Variants in ZNF813 observed in about 807,000 individuals in gnomAD.
The protein encoded by ZNF813 is zinc finger protein 813.
A neutral mutation model predicts 7.2 loss-of-function variants in ZNF813; 3 were observed. That is an observed-to-expected ratio of 0.42 (90% CI 0.19 to 1.08). The LOEUF is 1.08. Among genes scored for constraint, ZNF813 ranks in the 50% least tolerant of loss-of-function variants. The probability of loss-of-function intolerance (pLI) is 0.30; values close to 1 mark genes in which losing one functional copy is unlikely to be tolerated. For synonymous variants in ZNF813, 227 were observed against 256.3 expected (o/e 0.89, Z 1.09); for missense variants, 714 against 753.3 (o/e 0.95, Z 0.61).
At chr19:53,468,233 A>G (rs58474215) in intron 1 of ZNF813, among the ~76,000 whole-genome samples, 2 of 35,136 alleles carry the variant, frequency 5.7e-5, no homozygotes, top group African/African-American at 2.0e-4. Flanking sequence ...CCCCCCCCCC[A>G]CCTCCCTCCT....
chr19:53,489,946 A>G (rs763231530), intron 3 of ZNF813, among the ~76,000 whole-genome samples: 3 of 152,184 alleles, frequency 2.0e-5, no homozygotes, highest in African/African-American at 4.8e-5. Flanking sequence ...TTATCCTTAC[A>G]TGAGCTTGTT....
At chr19:53,490,061 C>T (rs1007599882) in intron 3 of ZNF813, among the ~76,000 whole-genome samples, 6 of 152,110 alleles carry the variant, frequency 3.9e-5, no homozygotes, top group African/African-American at 1.2e-4. Context: ...ATTGGTGTGA[C>T]GGTGATATGT....
chr19:53,469,665 A>G (rs1381825265), intron 1 of ZNF813, among the ~76,000 whole-genome samples: 1 of 151,748 alleles, frequency 6.6e-6, no homozygotes, highest in Non-Finnish European at 1.5e-5. Flanking sequence ...GCAAAGAGGG[A>G]GGCTCATCAG....
intron 3 of ZNF813, among the ~76,000 whole-genome samples, chr19:53,489,412 G>C (rs903233187): frequency 2.6e-5 from 4 of 151,878 alleles, no homozygotes; most frequent in Non-Finnish European, 5.9e-5. Context: ...CCACAGCCTG[G>C]CCAACATGGT....
At chr19:53,484,841 C>T (rs1268478513) in intron 2 of ZNF813, among the ~76,000 whole-genome samples, 1 of 152,256 alleles carries the variant, frequency 6.6e-6, no homozygotes, top group Non-Finnish European at 1.5e-5. Flanking sequence ...GCTGGGATTA[C>T]AGGTGCGAGG....
intron 1 of ZNF813, among the ~76,000 whole-genome samples, chr19:53,482,277 A>T (rs1441924236): frequency 2.0e-5 from 3 of 152,184 alleles, no homozygotes; most frequent in Non-Finnish European, 4.4e-5. Context: ...CTTTCTCTGT[A>T]TGAGGACATC....
chr19:53,471,028 G>A lies in ZNF813; in HGVS notation c.-74+3239G>A, dbSNP rs75588800. 8.3e-3 allele frequency among the ~76,000 whole-genome samples: 1,266 copies of A among 152,272 alleles called. 16 individuals carry two copies. The highest frequency in any genetic ancestry group is 0.029 in the African/African-American group (1,202 of 41,558). On this transcript the variant is annotated intron_variant, in intron 1 of 3. Transcript: ENST00000396403. ...ATTTTGTGCCCAGGTAGCTGGCCTA[G>A]AGTACTGAATTAGTCTTTCAGGGGG...
chr19:53,478,438 C>T (rs1274456987), intron 1 of ZNF813, among the ~76,000 whole-genome samples: 5 of 152,192 alleles, frequency 3.3e-5, no homozygotes, highest in Non-Finnish European at 7.4e-5. Context: ...TTCCGAAATA[C>T]TGGGATTACA....
intron 1 of ZNF813, among the ~76,000 whole-genome samples, chr19:53,471,883 A>G (rs1162322342): frequency 6.6e-6 from 1 of 151,510 alleles, no homozygotes; most frequent in Non-Finnish European, 1.5e-5. Context: ...ATCTTGTGAC[A>G]TTAACTCTTT....
chr19:53,487,912 A>G (rs564956254), intron 3 of ZNF813, among the ~76,000 whole-genome samples: 1 of 152,002 alleles, frequency 6.6e-6, no homozygotes, highest in South Asian at 2.1e-4. Flanking sequence ...ATATATGTAT[A>G]TTGTGTTTTC....
At chr19:53,486,893 T>C (rs2086437043) in intron 3 of ZNF813, 135 bp downstream of exon 3, 1 of 1,505,510 alleles carries the variant, frequency 6.6e-7, no homozygotes, top group Admixed American at 2.2e-5. Flanking sequence ...ACTGCGATCT[T>C]GAATTCCTGG....
At chr19:53,472,712 A>G (rs1431103148) in intron 1 of ZNF813, among the ~76,000 whole-genome samples, 1 of 149,046 alleles carries the variant, frequency 6.7e-6, no homozygotes, top group Non-Finnish European at 1.5e-5. Context: ...TTCTGGGTTC[A>G]AGCAATTCTC....
rs754357000 is a variant in ZNF813 at position 53,491,429 on chromosome 19, A to G, written c.1197A>G (p.Lys399=). 2.5e-6 allele frequency: 4 copies of G among 1,614,152 alleles called. No homozygotes were observed. Among genetic ancestry groups the G allele is most frequent in the Non-Finnish European group, 3.4e-6 (4 of 1,180,008 alleles). Residue 399 remains lysine, a synonymous_variant, in exon 4 of 4, where the codon AAA becomes AAG. Coordinates refer to ENST00000396403, the MANE Select transcript of ZNF813 (RefSeq NM_001004301.4). ...GKTFSQELTL[K]CHRRLHTGEK... ...CCTTCAGTCAGGAGTTAACCCTTAA[A>G]TGCCATCGTAGACTTCATACCGGAG...
At chr19:53,486,196 G>A (rs188202749) in intron 2 of ZNF813, among the ~76,000 whole-genome samples, 27 of 152,254 alleles carry the variant, frequency 1.8e-4, no homozygotes, top group Admixed American at 1.4e-3. Context: ...GGTGGATCAC[G>A]CATGTAATTC....
At chr19:53,479,591 A>C in intron 1 of ZNF813, 2 of 1,208,092 alleles carry the variant, frequency 1.7e-6, no homozygotes, top group South Asian at 2.4e-5. Context: ...GAAGCGGGAA[A>C]AGCTGCTGAT....
At chr19:53,472,345 A>G (rs369948702) in intron 1 of ZNF813, among the ~76,000 whole-genome samples, 28 of 152,290 alleles carry the variant, frequency 1.8e-4, no homozygotes, top group African/African-American at 6.7e-4. Context: ...ACATATTTGT[A>G]GTCATTTCTA....
Position 53,491,567 on chromosome 19 carries a change from C to T in ZNF813, c.1335C>T (p.Val445=), listed in dbSNP as rs1568433188. ...GEKPYKCTEC[V]KTFSRNSALV... ...AACCCTACAAGTGTACTGAGTGTGT[C>T]AAGACGTTCAGTCGAAATTCAGCCC... Residue 445 remains valine, a synonymous_variant, in exon 4 of 4, where the codon GTC becomes GTT. Transcript: ENST00000396403. The T allele has an allele frequency of 1.9e-6, 3 of 1,613,102 alleles. No homozygotes were observed. Among genetic ancestry groups the T allele is most frequent in the African/African-American group, 1.3e-5 (1 of 74,784 alleles).
At chr19:53,480,042 G>A in intron 1 of ZNF813, 2 of 762,994 alleles carry the variant, frequency 2.6e-6, no homozygotes, top group South Asian at 1.3e-5. Flanking sequence ...GAACACCTCT[G>A]TACACAAAGG....
rs1028006545 is a variant in ZNF813 at position 53,483,352 on chromosome 19, C to T, written c.-73-398C>T. ...CACAGATGTGCACAACCATGCCTGG[C>T]TAAGTTTTTGTATTTTTGGTAGAGA... is the stretch of plus-strand genomic sequence containing the variant. On this transcript the variant is annotated intron_variant, in intron 1 of 3. Coordinates refer to ENST00000396403, the MANE Select transcript of ZNF813 (RefSeq NM_001004301.4). Among the ~76,000 whole-genome samples the T allele has an allele frequency of 4.6e-5, 7 of 152,090 alleles. 1 individual carries two copies. Among genetic ancestry groups the T allele is most frequent in the African/African-American group, 1.7e-4 (7 of 41,486 alleles).
Sources: allele counts gnomAD v4.1 joint callset (sites outside exome capture counted in the v4.1 genomes callset), GRCh38; gene constraint gnomAD v4.1.1; transcripts MANE v1.5; gene names NCBI Gene and HGNC (gene_info 2026-07-23, HGNC 2026-07-21).